PPP6R3: variants seen among roughly 807,000 people sequenced by gnomAD.
PPP6R3 encodes the protein protein phosphatase 6 regulatory subunit 3.
A neutral mutation model predicts 110.7 loss-of-function variants in PPP6R3; 38 were observed. The observed-to-expected ratio is 0.34, with a 90% CI of 0.26 to 0.45. The LOEUF is 0.45. PPP6R3 is among the 20% of genes least tolerant of loss of function. The pLI, the probability that PPP6R3 is intolerant of heterozygous loss-of-function variation, is 1.00. For synonymous variants in PPP6R3, 369 were observed against 373.5 expected (o/e 0.99, Z 0.14); for missense variants, 870 against 1,062.4 (o/e 0.82, Z 2.52).
At chr11:68,511,202 G>A (rs1250370344) in intron 1 of PPP6R3, among the ~76,000 whole-genome samples, 1 of 151,654 alleles carries the variant, frequency 6.6e-6, no homozygotes, top group Non-Finnish European at 1.5e-5. Context: ...TGAGTAGCTG[G>A]GATTAAGGCA....
chr11:68,612,271 A>C lies in PPP6R3; in HGVS notation c.2571-795A>C, dbSNP rs369224971. The stretch of plus-strand genomic sequence containing the variant: ...TGAGCAGAGTGGATTGTGTGTGCAG[A>C]GCTGACTTTTTGGCTCACTGTATAA... On this transcript the variant is annotated intron_variant, in intron 23 of 23. Coordinates refer to ENST00000393800, the MANE Select transcript of PPP6R3 (RefSeq NM_001164161.2). Among the ~76,000 whole-genome samples the C allele has an allele frequency of 1.0e-3, 156 of 152,354 alleles. No individual in the cohort carries two copies. The South Asian group carries it at 0.013, about 12-fold the overall frequency.
At chr11:68,542,630 G>A (rs2099326078) in intron 3 of PPP6R3, among the ~76,000 whole-genome samples, 1 of 152,076 alleles carries the variant, frequency 6.6e-6, no homozygotes, top group African/African-American at 2.4e-5. Flanking sequence ...CTGACCTCTG[G>A]TGATCCATCC....
At chr11:68,465,355 G>T (rs1324068709) in intron 1 of PPP6R3, among the ~76,000 whole-genome samples, 1 of 152,200 alleles carries the variant, frequency 6.6e-6, no homozygotes, top group Admixed American at 6.5e-5. Context: ...TCTGATCCCA[G>T]CAGAGAAGTG....
intron 1 of PPP6R3, among the ~76,000 whole-genome samples, chr11:68,483,157 G>A (rs1402516313): frequency 1.3e-5 from 2 of 152,116 alleles, no homozygotes; most frequent in Non-Finnish European, 2.9e-5. Context: ...TGCAAGTAAA[G>A]TACAAATGTT....
chr11:68,519,772 G>T, intron 2 of PPP6R3, 121 bp downstream of exon 2: 1 of 393,210 alleles, frequency 2.5e-6, no homozygotes, highest in Non-Finnish European at 4.5e-6. Context: ...TCTGAGCTAG[G>T]TACAATATGA....
At chr11:68,612,415 A>C (rs1943968456) in intron 23 of PPP6R3, among the ~76,000 whole-genome samples, 1 of 152,142 alleles carries the variant, frequency 6.6e-6, no homozygotes, top group South Asian at 2.1e-4. Context: ...GCTTGATACA[A>C]TTTTGGTCAA....
At chr11:68,520,822 A>C (rs1253571000) in intron 2 of PPP6R3, among the ~76,000 whole-genome samples, 1 of 152,086 alleles carries the variant, frequency 6.6e-6, no homozygotes, top group Non-Finnish European at 1.5e-5. Context: ...CCCAGGCCAG[A>C]GTGTAGTGGT....
At chr11:68,490,089 C>A (rs1159821207) in intron 1 of PPP6R3, among the ~76,000 whole-genome samples, 1 of 152,084 alleles carries the variant, frequency 6.6e-6, no homozygotes, top group Non-Finnish European at 1.5e-5. Flanking sequence ...GTGTTTCCTA[C>A]CTGGATCATT....
chr11:68,469,540 ATTT>A (rs376996871), intron 1 of PPP6R3, among the ~76,000 whole-genome samples: 1 of 141,184 alleles, frequency 7.1e-6, no homozygotes. Context: ...CACCCAGGTA[ATTT>A]TTTTTTTTTT....
At chr11:68,510,416 A>G (rs1446753380) in intron 1 of PPP6R3, among the ~76,000 whole-genome samples, 1 of 151,858 alleles carries the variant, frequency 6.6e-6, no homozygotes, top group Non-Finnish European at 1.5e-5. Context: ...AGTTTACCGT[A>G]GCCTCAACCT....
intron 22 of PPP6R3, chr11:68,609,625 A>G (rs749470876): frequency 1.4e-5 from 21 of 1,552,200 alleles, no homozygotes; most frequent in African/African-American, 2.7e-5. Flanking sequence ...TTGAAATCCT[A>G]TCGGTATGTA....
chr11:68,477,246 T>TG (rs367878495), intron 1 of PPP6R3, among the ~76,000 whole-genome samples: 1 of 151,704 alleles, frequency 6.6e-6, no homozygotes, highest in Non-Finnish European at 1.5e-5. Flanking sequence ...TGGTGGGGGA[T>TG]GGGGGTGGGT....
Position 68,600,445 on chromosome 11 carries a change from A to C in PPP6R3, c.2143A>C (p.Thr715Pro), listed in dbSNP as rs1232259591. 8.1e-6 allele frequency: 13 copies of C among 1,614,124 alleles called. No individual in the cohort carries two copies. Among genetic ancestry groups the C allele is most frequent in the Non-Finnish European group, 1.1e-5 (13 of 1,180,010 alleles). Reference sequence around the variant, plus strand: ...CTGGAGCACAGAGGAGCCGATGCCAACTAAAGAGACGGGCTGGGCTTCTTT... The same window carrying C: ...CTGGAGCACAGAGGAGCCGATGCCACCTAAAGAGACGGGCTGGGCTTCTTT... ...DVWSTEEPMP[T>P]KETGWASFSE... Residue 715 changes from threonine (T) to proline (P), a missense_variant, in exon 20 of 24, where the codon ACT (threonine) becomes CCT (proline). Thr to Pro is a conservative substitution (Grantham distance 38). Coordinates refer to ENST00000393800, the MANE Select transcript of PPP6R3 (RefSeq NM_001164161.2).
intron 1 of PPP6R3, among the ~76,000 whole-genome samples, chr11:68,461,536 C>T (rs2098707872): frequency 6.6e-6 from 1 of 152,072 alleles, no homozygotes; most frequent in Non-Finnish European, 1.5e-5. Flanking sequence ...AAGTCCCTCC[C>T]TCTTAAAGAA....
chr11:68,574,037 G>T (rs1043173441), intron 12 of PPP6R3, 72 bp from the exon 13 acceptor site: 7 of 1,051,574 alleles, frequency 6.7e-6, no homozygotes, highest in South Asian at 1.3e-5. Flanking sequence ...TTAAAAGTCC[G>T]CAGTATTTAC....
chr11:68,552,156 C>A (rs1168875767), intron 6 of PPP6R3, among the ~76,000 whole-genome samples: 1 of 151,474 alleles, frequency 6.6e-6, no homozygotes, highest in African/African-American at 2.4e-5. Context: ...TCCATTTTTA[C>A]CTACAGACAT....
chr11:68,601,803 C>A (rs2099632621), intron 20 of PPP6R3, 60 bp from the exon 21 acceptor site: 3 of 1,367,400 alleles, frequency 2.2e-6, no homozygotes, highest in Non-Finnish European at 3.1e-6. Context: ...TATTGTGAAT[C>A]TTGGGGTAAC....
chr11:68,496,503 T>TA (rs2099017014), intron 1 of PPP6R3, among the ~76,000 whole-genome samples: 1 of 151,330 alleles, frequency 6.6e-6, no homozygotes, highest in Non-Finnish European at 1.5e-5. Context: ...GAGACAGTCT[T>TA]ACTCTGTCAC....
intron 1 of PPP6R3, among the ~76,000 whole-genome samples, chr11:68,507,535 G>A (rs947951005): frequency 6.6e-6 from 1 of 152,086 alleles, no homozygotes; most frequent in Non-Finnish European, 1.5e-5. Context: ...CGGTGTGCTA[G>A]GCATTGAAGG....
Sources: gnomAD v4.1 joint callset for allele counts (sites outside exome capture counted in the v4.1 genomes callset) on GRCh38, gnomAD v4.1.1 for gene constraint, MANE v1.5 for transcripts, NCBI Gene and HGNC (gene_info 2026-07-23, HGNC 2026-07-21) for gene names.